The following RALGAPA2 variants were observed in gnomAD, a reference collection of about 807,000 sequenced individuals.
RALGAPA2 encodes the protein ral GTPase-activating protein subunit alpha-2.
A neutral mutation model predicts 230.4 loss-of-function variants in RALGAPA2; 139 were observed. The observed-to-expected ratio is 0.60, with a 90% CI of 0.53 to 0.69. The LOEUF (loss-of-function observed/expected upper bound fraction) is 0.69. Among genes scored for constraint, RALGAPA2 ranks in the 30% least tolerant of loss-of-function variants. RALGAPA2 has a pLI of 0.00. For missense variants in RALGAPA2, 2,163 were observed against 2,276.0 expected (o/e 0.95, Z 1.01); for synonymous variants, 847 against 837.8 (o/e 1.01, Z -0.19).
intron 37 of RALGAPA2, among the ~76,000 whole-genome samples, chr20:20,416,143 A>T (rs1157952060): frequency 6.6e-6 from 1 of 152,220 alleles, no homozygotes; most frequent in African/African-American, 2.4e-5. Context: ...GGCTGGGAAG[A>T]TTAAATAGAA....
chr20:20,702,777 G>T (rs1311959880), intron 1 of RALGAPA2, among the ~76,000 whole-genome samples: 1 of 152,154 alleles, frequency 6.6e-6, no homozygotes, highest in Non-Finnish European at 1.5e-5. Flanking sequence ...AAGGTTCAAT[G>T]AATATGTGTC....
chr20:20,454,193 G>C (rs1459469193), intron 37 of RALGAPA2, among the ~76,000 whole-genome samples: 2 of 152,206 alleles, frequency 1.3e-5, no homozygotes, highest in East Asian at 1.9e-4. Context: ...ATTAGTGAAA[G>C]TGGCCTTAAA....
intron 23 of RALGAPA2, among the ~76,000 whole-genome samples, chr20:20,547,515 C>T (rs942842150): frequency 6.6e-6 from 1 of 152,196 alleles, no homozygotes; most frequent in Non-Finnish European, 1.5e-5. Context: ...TGGATGGCCC[C>T]TCACCCCCCA....
chr20:20,572,211 C>T (rs528923706), intron 21 of RALGAPA2, among the ~76,000 whole-genome samples: 4 of 151,836 alleles, frequency 2.6e-5, no homozygotes, highest in East Asian at 1.9e-4. Context: ...GAATTCCAAA[C>T]GATAAGTAAC....
intron 9 of RALGAPA2, among the ~76,000 whole-genome samples, 182 bp from the exon 10 acceptor site, chr20:20,629,772 T>G (rs945704537): frequency 3.9e-5 from 6 of 152,184 alleles, no homozygotes; most frequent in African/African-American, 1.4e-4. Context: ...ATTTTCTAAC[T>G]AACCAACAAA....
chr20:20,517,394 CT>C (rs763681360), intron 31 of RALGAPA2, among the ~76,000 whole-genome samples: 44 of 152,194 alleles, frequency 2.9e-4, no homozygotes, highest in Non-Finnish European at 5.7e-4. Flanking sequence ...GAGAGATCCC[CT>C]AGCCACATTA....
intron 20 of RALGAPA2, among the ~76,000 whole-genome samples, chr20:20,578,332 G>A (rs777288013): frequency 1.6e-4 from 24 of 152,044 alleles, no homozygotes; most frequent in Non-Finnish European, 3.5e-4. Context: ...ACAATTTCAC[G>A]TTCACCCTAA....
intron 4 of RALGAPA2, among the ~76,000 whole-genome samples, chr20:20,653,320 C>A (rs1043081881): frequency 6.7e-6 from 1 of 149,336 alleles, no homozygotes; most frequent in African/African-American, 2.5e-5. Flanking sequence ...GGCCTATGAA[C>A]TATACTCTAA....
intron 37 of RALGAPA2, among the ~76,000 whole-genome samples, chr20:20,436,328 T>G (rs1602361796): frequency 6.6e-6 from 1 of 152,250 alleles, no homozygotes; most frequent in Admixed American, 6.5e-5. Context: ...TCTACACATG[T>G]GCTTTGCATG....
intron 27 of RALGAPA2, among the ~76,000 whole-genome samples, chr20:20,529,931 T>C (rs1006140285): frequency 6.6e-6 from 1 of 152,216 alleles, no homozygotes; most frequent in African/African-American, 2.4e-5. Context: ...ACATTAACTA[T>C]ATACATCTAG....
At chr20:20,622,864 GATA>G (rs1421737767) in intron 10 of RALGAPA2, among the ~76,000 whole-genome samples, 12 of 152,072 alleles carry the variant, frequency 7.9e-5, no homozygotes, top group Admixed American at 5.9e-4. Flanking sequence ...TTCTGAAAGG[GATA>G]ATATCTACAT....
At chr20:20,581,784 CG>C (rs1406427067) in intron 20 of RALGAPA2, among the ~76,000 whole-genome samples, 1 of 151,470 alleles carries the variant, frequency 6.6e-6, no homozygotes, top group African/African-American at 2.4e-5. Flanking sequence ...ATATCAGAGA[CG>C]TTAGTTAAAT....
At chr20:20,536,412 A>G (rs1256072369) in intron 25 of RALGAPA2, among the ~76,000 whole-genome samples, 1 of 152,250 alleles carries the variant, frequency 6.6e-6, no homozygotes, top group Non-Finnish European at 1.5e-5. Context: ...CCTTAGGTCC[A>G]ATAAACAGGT....
At chr20:20,416,988 C>A (rs2060178666) in intron 37 of RALGAPA2, among the ~76,000 whole-genome samples, 1 of 152,196 alleles carries the variant, frequency 6.6e-6, no homozygotes, top group Non-Finnish European at 1.5e-5. Flanking sequence ...ACTCATGCAG[C>A]CTCTAATCAC....
chr20:20,461,205 C>T (rs1444719060), intron 37 of RALGAPA2, among the ~76,000 whole-genome samples: 1 of 152,144 alleles, frequency 6.6e-6, no homozygotes, highest in African/African-American at 2.4e-5. Flanking sequence ...GTTAAAGAGG[C>T]ATACATTCTA....
chr20:20,558,298 G>A (rs528229125), intron 23 of RALGAPA2, among the ~76,000 whole-genome samples: 13 of 152,284 alleles, frequency 8.5e-5, no homozygotes, highest in South Asian at 2.1e-4. Flanking sequence ...AAGGCACCGC[G>A]CCCAGCCTGC....
At chr20:20,558,281 C>T (rs2064149957) in intron 23 of RALGAPA2, among the ~76,000 whole-genome samples, 1 of 152,216 alleles carries the variant, frequency 6.6e-6, no homozygotes, top group Non-Finnish European at 1.5e-5. Context: ...GCTGGGATTA[C>T]AGGGAAAAGG....
chr20:20,523,092 A>G (rs2063094467), intron 30 of RALGAPA2, among the ~76,000 whole-genome samples: 1 of 152,152 alleles, frequency 6.6e-6, no homozygotes, highest in Non-Finnish European at 1.5e-5. Context: ...TCAGTCTGTG[A>G]CTTGGACTCT....
intron 33 of RALGAPA2, among the ~76,000 whole-genome samples, chr20:20,507,593 G>A (rs1319016665): frequency 1.3e-5 from 2 of 152,302 alleles, no homozygotes; most frequent in Non-Finnish European, 2.9e-5. Flanking sequence ...CTGATCTCAG[G>A]TGATCCACCT....
Sources: allele counts gnomAD v4.1 joint callset (sites outside exome capture counted in the v4.1 genomes callset), GRCh38; gene constraint gnomAD v4.1.1; transcripts MANE v1.5; gene names NCBI Gene and HGNC (gene_info 2026-07-23, HGNC 2026-07-21).